Variants in HAUS2 observed in about 807,000 individuals in gnomAD.
HAUS2 encodes the protein HAUS augmin like complex subunit 2, also known as HAUS augmin-like complex subunit 2.
HAUS2 carries 20 observed loss-of-function variants against 21.6 expected under a neutral mutation model. The ratio of observed to expected loss-of-function variants is 0.93; its 90% confidence interval spans 0.65 to 1.35. The LOEUF (loss-of-function observed/expected upper bound fraction) is 1.35, where lower values mean the gene tolerates loss of function less well. Among genes scored for constraint, HAUS2 ranks in the 40% most tolerant of loss-of-function variants. HAUS2 has a pLI of 0.00. For missense variants in HAUS2, 297 were observed against 280.7 expected (o/e 1.06, Z -0.42); for synonymous variants, 113 against 95.6 (o/e 1.18, Z -1.06).
At chr15:42,558,164 C>A in intron 1 of HAUS2, 34 bp from the exon 2 acceptor site, 1 of 922,446 alleles carries the variant, frequency 1.1e-6, no homozygotes, top group Non-Finnish European at 1.8e-6. Flanking sequence ...CTTTTTGTGA[C>A]ATTCTGCTAC....
intron 4 of HAUS2, 51 bp downstream of exon 4, chr15:42,561,453 T>C (rs2057853195): frequency 1.5e-6 from 2 of 1,316,128 alleles, no homozygotes; most frequent in Non-Finnish European, 2.2e-6. Context: ...CTGAGTTTAC[T>C]TTTTGTTTTG....
intron 1 of HAUS2, among the ~76,000 whole-genome samples, chr15:42,557,937 A>T (rs1272098771): frequency 6.6e-6 from 1 of 152,246 alleles, no homozygotes; most frequent in Non-Finnish European, 1.5e-5. Flanking sequence ...TCTATTTTGT[A>T]TGGTACCTTA....
chr15:42,557,511 T>TTATATATAATATACAC (rs1461196931), intron 1 of HAUS2, among the ~76,000 whole-genome samples: 1 of 138,768 alleles, frequency 7.2e-6, no homozygotes, highest in African/African-American at 2.9e-5. Context: ...ATAATGTATA[T>TTATATATAATATACAC]ATTATATATA....
chr15:42,550,450 T>C (rs1370479778), intron 1 of HAUS2, among the ~76,000 whole-genome samples: 1 of 152,180 alleles, frequency 6.6e-6, no homozygotes, highest in Admixed American at 6.6e-5. Flanking sequence ...ACTAGACTGT[T>C]AAAGGAGAAT....
chr15:42,561,017 G>A, intron 3 of HAUS2: 2 of 580,582 alleles, frequency 3.4e-6, no homozygotes, highest in Admixed American at 6.5e-5. Context: ...GAAACACAGA[G>A]AAAGAATTTA....
chr15:42,550,395 T>A (rs537415398), intron 1 of HAUS2, among the ~76,000 whole-genome samples: 1 of 152,260 alleles, frequency 6.6e-6, no homozygotes, highest in Non-Finnish European at 1.5e-5. Flanking sequence ...CAGTATTTTT[T>A]AATTTAAGAA....
intron 1 of HAUS2, among the ~76,000 whole-genome samples, chr15:42,556,085 A>G (rs1219885106): frequency 6.7e-6 from 1 of 149,534 alleles, no homozygotes; most frequent in African/African-American, 2.5e-5. Context: ...CTAGCTGACT[A>G]GCTGGGATTA....
intron 1 of HAUS2, among the ~76,000 whole-genome samples, chr15:42,557,436 A>G (rs1329776831): frequency 1.9e-5 from 2 of 104,690 alleles, no homozygotes; most frequent in African/African-American, 3.3e-5. Flanking sequence ...ATTGTATATA[A>G]TGTATATTAT....
chr15:42,569,783 AC>A lies in HAUS2; in HGVS notation c.*2968del, dbSNP rs1226318553. On this transcript the variant is annotated 3_prime_UTR_variant, in exon 6 of 6. Transcript: ENST00000260372. ...TCGTAATATCTCGAACATTACATAG[AC>A]ACTTAAAACCTTTAGTTGTATTTCA... The A allele has an allele frequency of 3.3e-5, 5 of 152,182 alleles. No homozygotes were observed. Among genetic ancestry groups the A allele is most frequent in the Non-Finnish European group, 4.4e-5 (3 of 68,030 alleles). 9.4% of individuals were successfully genotyped at this position (152,182 alleles called of 1,614,324 possible).
chr15:42,554,646 A>G (rs1321107897), intron 1 of HAUS2, among the ~76,000 whole-genome samples: 4 of 151,544 alleles, frequency 2.6e-5, no homozygotes, highest in Non-Finnish European at 5.9e-5. Flanking sequence ...ATATGTCATC[A>G]TGCCTGGCTG....
At chr15:42,549,402 G>T (rs951160034) in intron 1 of HAUS2, among the ~76,000 whole-genome samples, 2 of 151,982 alleles carry the variant, frequency 1.3e-5, no homozygotes, top group Non-Finnish European at 2.9e-5. Flanking sequence ...GGGTAGAGAA[G>T]AGCGCCAGAA....
At chr15:42,552,267 A>G (rs1033027944) in intron 1 of HAUS2, among the ~76,000 whole-genome samples, 7 of 151,250 alleles carry the variant, frequency 4.6e-5, no homozygotes, top group African/African-American at 1.7e-4. Flanking sequence ...CAAATGATCC[A>G]CCCGCCTCGG....
At chr15:42,566,552 A>G (rs1272986299) in intron 5 of HAUS2, 55 bp from the exon 6 acceptor site, 27 of 944,196 alleles carry the variant, frequency 2.9e-5, no homozygotes, top group Non-Finnish European at 4.1e-5. Context: ...TACTGATGAT[A>G]TAATGAATTA....
intron 4 of HAUS2, among the ~76,000 whole-genome samples, chr15:42,562,394 A>C (rs1476930951): frequency 6.6e-6 from 1 of 152,166 alleles, no homozygotes; most frequent in Non-Finnish European, 1.5e-5. Flanking sequence ...CAGGAGTTCA[A>C]GACCAGCCTG....
intron 1 of HAUS2, among the ~76,000 whole-genome samples, chr15:42,550,136 C>G (rs530521240): frequency 2.9e-4 from 44 of 152,168 alleles, no homozygotes; most frequent in Non-Finnish European, 1.9e-4. Context: ...TGGTGGCGTA[C>G]ACCTGTAGTC....
At chr15:42,558,314 C>CTTTTTTTTTTTTTTTTTTTT (rs547363768) in intron 2 of HAUS2, 24 bp downstream of exon 2, 1 of 329,378 alleles carries the variant, frequency 3.0e-6, no homozygotes, top group African/African-American at 3.3e-5. Context: ...TTTTCACTTT[C>CTTTTTTTTTTTTTTTTTTTT]TTTTTTTTTT....
intron 5 of HAUS2, among the ~76,000 whole-genome samples, chr15:42,564,447 T>G (rs1053032523): frequency 6.6e-6 from 1 of 152,146 alleles, no homozygotes; most frequent in Non-Finnish European, 1.5e-5. Context: ...GAAAGATAGA[T>G]ATGACCAATC....
rs978786701 is a variant in HAUS2 at position 42,567,962 on chromosome 15, G to A, written c.*1146G>A. 3 of 151,608 alleles carry A rather than the reference G, an allele frequency of 2.0e-5. No homozygotes were observed. The highest frequency in any genetic ancestry group is 2.9e-5 in the Non-Finnish European group (2 of 68,182). 9.4% of individuals were successfully genotyped at this position (151,608 alleles called of 1,614,324 possible). The stretch of plus-strand genomic sequence containing the variant: ...ACCCAGGAGGCAGAGGTTGCAGTGA[G>A]CCCAGATCGTGCCACCGCACTCTAG... On this transcript the variant is annotated 3_prime_UTR_variant, in exon 6 of 6. Transcript: ENST00000260372.
rs980537683 is a variant in HAUS2 at position 42,558,060 on chromosome 15, AT to A, written c.94-134del. The A allele has an allele frequency of 2.3e-5, 13 of 567,396 alleles. No homozygotes were observed. In the African/African-American group the frequency reaches 2.6e-4, roughly 11 times the overall value. The allele number at this position is 567,396 out of a possible 1,614,324, so 35.1% of individuals were successfully genotyped here. A position where few individuals can be genotyped will look rare whatever the true frequency, so the allele number is the denominator to read the frequency against. ...AAAACAGGAATTACACATTGCTACTATTTTACTTTGTACTTCATGTTCAAAG... is the reference window on the plus strand; with the variant it reads ...AAAACAGGAATTACACATTGCTACTATTTACTTTGTACTTCATGTTCAAAG... On this transcript the variant is annotated intron_variant, in intron 1 of 5. Transcript: ENST00000260372.
Sources: allele counts gnomAD v4.1 joint callset (sites outside exome capture counted in the v4.1 genomes callset), GRCh38; gene constraint gnomAD v4.1.1; transcripts MANE v1.5; gene names NCBI Gene and HGNC (gene_info 2026-07-23, HGNC 2026-07-21).